CEP164: variants seen among roughly 807,000 people sequenced by gnomAD.
The protein encoded by CEP164 is centrosomal protein 164.
In CEP164, 162 loss-of-function variants were observed where a neutral mutation model predicts 182.7. That is an observed-to-expected ratio of 0.89 (90% CI 0.78 to 1.01). The LOEUF (loss-of-function observed/expected upper bound fraction) is 1.01. Among genes scored for constraint, CEP164 ranks in the 50% least tolerant of loss-of-function variants. The pLI is 0.00. For synonymous variants in CEP164, 661 were observed against 690.0 expected, an observed-to-expected ratio of 0.96 and a Z score of 0.66; for missense variants, 1,735 against 1,790.4, an observed-to-expected ratio of 0.97 and a Z score of 0.56.
chr11:117,387,485 C>G, intron 15 of CEP164, 73 bp downstream of exon 15: 2 of 1,443,606 alleles, frequency 1.4e-6, no homozygotes, highest in South Asian at 2.5e-5. Flanking sequence ...ACCCTCTTAG[C>G]CTGGGGACCA....
rs2044548820 is a variant in CEP164, at chr11:117,390,810, G to A, written c.1968G>A (p.Glu656=). The change falls in exon 16 of 33, where the codon GAG becomes GAA. Residue 656 remains glutamate, a synonymous_variant. Coordinates refer to ENST00000278935, the MANE Select transcript of CEP164 (RefSeq NM_014956.5). The part of the protein sequence containing the change: ...SLRERLQKAI[E]EEEARMREEE... ...GGGAGCGGCTGCAGAAAGCCATTGA[G>A]GAGGAGGAGGCCCGGATGAGAGAGG... 2 of 1,613,516 alleles carry A rather than the reference G, an allele frequency of 1.2e-6. No homozygotes were observed. The highest frequency in any genetic ancestry group is 1.7e-6 in the Non-Finnish European group (2 of 1,179,804).
intron 27 of CEP164, among the ~76,000 whole-genome samples, chr11:117,406,678 C>T (rs1206831757): frequency 2.0e-5 from 3 of 152,222 alleles, no homozygotes; most frequent in Non-Finnish European, 2.9e-5. Context: ...CCCTGCTTCT[C>T]TGATAGCCTA....
intron 14 of CEP164, chr11:117,385,993 C>T (rs1023236599): frequency 2.6e-5 from 4 of 152,200 alleles, no homozygotes; most frequent in Admixed American, 6.5e-5. Flanking sequence ...CGGTCCTGCC[C>T]GCTGCTTTCC....
At chr11:117,405,167 C>T (rs1215249732) in intron 27 of CEP164, among the ~76,000 whole-genome samples, 3 of 152,124 alleles carry the variant, frequency 2.0e-5, no homozygotes, top group Admixed American at 2.0e-4. Flanking sequence ...GTGAATGGTT[C>T]TGTGTCACTG....
chr11:117,351,308 C>T (rs796607086), intron 4 of CEP164, among the ~76,000 whole-genome samples: 3 of 152,140 alleles, frequency 2.0e-5, no homozygotes, highest in Non-Finnish European at 2.9e-5. Context: ...CCACTGCTCC[C>T]GGCAGGATTA....
intron 8 of CEP164, among the ~76,000 whole-genome samples, chr11:117,365,445 G>A (rs2041519881): frequency 6.6e-6 from 1 of 152,156 alleles, no homozygotes; most frequent in South Asian, 2.1e-4. Flanking sequence ...GCTGTCAGCT[G>A]GTGGATGGAA....
chr11:117,392,208 C>T lies in CEP164; in HGVS notation c.2284-18C>T, dbSNP rs1423509328. 148 of 1,560,242 alleles carry T rather than the reference C, an allele frequency of 9.5e-5. No homozygotes were observed. Among genetic ancestry groups the T allele is most frequent in the Non-Finnish European group, 1.2e-4 (140 of 1,150,966 alleles). On this transcript the variant is annotated intron_variant, in intron 17 of 32. Coordinates refer to ENST00000278935, the MANE Select transcript of CEP164 (RefSeq NM_014956.5). ...GTACCTGGCCAGCTTCACTCACAGT[C>T]CCTTTGCTCCTCCCCAGGCTGTGGC...
intron 32 of CEP164, 57 bp from the exon 33 acceptor site, chr11:117,412,015 C>A: frequency 6.2e-7 from 1 of 1,611,406 alleles, no homozygotes; most frequent in South Asian, 1.1e-5. Flanking sequence ...TTGACCCTTT[C>A]ATGGCCCCTG....
intron 15 of CEP164, among the ~76,000 whole-genome samples, chr11:117,390,103 C>T (rs866348160): frequency 6.6e-5 from 10 of 151,840 alleles, no homozygotes; most frequent in Non-Finnish European, 1.5e-4. Context: ...CCACCATGCC[C>T]GGCTAATTTT....
chr11:117,356,428 G>C, intron 5 of CEP164: 2 of 1,242,234 alleles, frequency 1.6e-6, no homozygotes, highest in Non-Finnish European at 2.1e-6. Context: ...AGAGGGACTC[G>C]AGGTTTCTGT....
chr11:117,408,795 C>G (rs2046994202), intron 28 of CEP164, 95 bp from the exon 29 acceptor site: 1 of 1,512,474 alleles, frequency 6.6e-7, no homozygotes, highest in African/African-American at 1.4e-5. Flanking sequence ...AAAGAAGAAC[C>G]TAGCTCAGTG....
chr11:117,322,713 G>A (rs115633559), intron 1 of CEP164, among the ~76,000 whole-genome samples: 69 of 148,144 alleles, frequency 4.7e-4, no homozygotes, highest in African/African-American at 1.5e-3. Flanking sequence ...GTGTCACCAC[G>A]CCTGGCATAT....
At chr11:117,367,848 GGTTACTT>G (rs1240877091) in intron 8 of CEP164, among the ~76,000 whole-genome samples, 2 of 152,066 alleles carry the variant, frequency 1.3e-5, no homozygotes, top group Non-Finnish European at 2.9e-5. Context: ...ATTTTTGATA[GGTTACTT>G]GTTTTTCCAT....
intron 3 of CEP164, among the ~76,000 whole-genome samples, chr11:117,342,236 A>C (rs1269059786): frequency 6.6e-6 from 1 of 152,198 alleles, no homozygotes; most frequent in East Asian, 1.9e-4. Flanking sequence ...AAAAATGAAT[A>C]AATTAGTCTC....
rs1189099934 is a variant in CEP164, at chr11:117,336,214, C to A, written c.-22+534C>A. 3.1e-6 allele frequency: 5 copies of A among 1,590,382 alleles called. No homozygotes were observed. In the East Asian group the frequency reaches 9.1e-5, roughly 29 times the overall value. On this transcript the variant is annotated intron_variant, in intron 2 of 32. Coordinates refer to ENST00000278935, the MANE Select transcript of CEP164 (RefSeq NM_014956.5). The stretch of plus-strand genomic sequence containing the variant: ...CAGGGCCTGTATTCAGTCAGAATCG[C>A]TGCTGGAAGAGGAGGAGAAAGAGGA...
chr11:117,394,243 G>A lies in CEP164; in HGVS notation c.2617-107G>A. ...AAGAGCTGGCTTTAGGGAGCCGATGGTGTCCCTGATCTTACTGATGCAAGG... is the reference window on the plus strand; with the variant it reads ...AAGAGCTGGCTTTAGGGAGCCGATGATGTCCCTGATCTTACTGATGCAAGG... On this transcript the variant is annotated intron_variant, in intron 20 of 32. Transcript: ENST00000278935. This position sits in a 1 kb window ranked among gnomAD's most constrained non-coding sequence, Gnocchi z 4.0. 7.0e-7 allele frequency: 1 copy of A among 1,425,508 alleles called. No homozygotes were observed. Among genetic ancestry groups the A allele is most frequent in the South Asian group, 1.3e-5 (1 of 75,320 alleles). 88.3% of individuals were successfully genotyped at this position (1,425,508 alleles called of 1,614,324 possible). A position where few individuals can be genotyped will look rare whatever the true frequency, so the allele number is the denominator to read the frequency against.
At chr11:117,383,535 C>T (rs187041573) in intron 14 of CEP164, among the ~76,000 whole-genome samples, 7 of 152,294 alleles carry the variant, frequency 4.6e-5, no homozygotes, top group Non-Finnish European at 1.0e-4. Context: ...CAGGATTGAT[C>T]TTTTGTGCTT....
chr11:117,360,798 T>C (rs548829101), intron 5 of CEP164, among the ~76,000 whole-genome samples: 1 of 152,354 alleles, frequency 6.6e-6, no homozygotes, highest in Admixed American at 6.5e-5. Flanking sequence ...TCTGTTGTGG[T>C]GTTTACATCC....
chr11:117,321,872 T>TC (rs2035256353), intron 1 of CEP164, among the ~76,000 whole-genome samples: 1 of 150,828 alleles, frequency 6.6e-6, no homozygotes, highest in Non-Finnish European at 1.5e-5. Flanking sequence ...ATTTTTGGGT[T>TC]TTTTTTTAAG....
Sources: gnomAD v4.1 joint callset for allele counts (sites outside exome capture counted in the v4.1 genomes callset) on GRCh38, gnomAD v4.1.1 for gene constraint, Gnocchi (gnomAD v3.1) non-coding constraint, MANE v1.5 for transcripts, NCBI Gene and HGNC (gene_info 2026-07-23, HGNC 2026-07-21) for gene names.